Variants in ZSWIM6 observed in about 807,000 individuals in gnomAD.
The protein encoded by ZSWIM6 is zinc finger SWIM-type containing 6.
ZSWIM6 carries 9 observed loss-of-function variants against 113.2 expected under a neutral mutation model. The ratio of observed to expected loss-of-function variants is 0.08; its 90% CI spans 0.05 to 0.14. ZSWIM6 has a LOEUF of 0.14. Ranked by LOEUF, ZSWIM6 falls within the 10% of genes least tolerant of loss-of-function variation. The pLI is 1.00. For synonymous variants in ZSWIM6, 611 were observed against 606.5 expected (o/e 1.01, Z -0.11); for missense variants, 1,162 against 1,552.2 (o/e 0.75, Z 4.22).
intron 1 of ZSWIM6, among the ~76,000 whole-genome samples, chr5:61,340,943 T>A (rs1744531793): frequency 6.6e-6 from 1 of 152,210 alleles, no homozygotes; most frequent in South Asian, 2.1e-4. Flanking sequence ...ATGTTTGAGA[T>A]TAAAGTTCAG....
chr5:61,420,639 G>T (rs1746337516), intron 1 of ZSWIM6, among the ~76,000 whole-genome samples: 1 of 151,994 alleles, frequency 6.6e-6, no homozygotes, highest in Non-Finnish European at 1.5e-5. Flanking sequence ...AATTTGATTT[G>T]ATAATTGATT....
chr5:61,422,850 A>T (rs542836935), intron 1 of ZSWIM6, among the ~76,000 whole-genome samples: 2 of 152,168 alleles, frequency 1.3e-5, no homozygotes, highest in East Asian at 3.9e-4. Context: ...TTGATTTTTC[A>T]GATTGTTTGC....
intron 1 of ZSWIM6, among the ~76,000 whole-genome samples, chr5:61,455,935 C>T (rs1747197810): frequency 6.6e-6 from 1 of 150,906 alleles, no homozygotes; most frequent in Non-Finnish European, 1.5e-5. Context: ...AAGAATAAAC[C>T]TTTCCTCAGT....
At chr5:61,415,009 G>A (rs1434252988) in intron 1 of ZSWIM6, among the ~76,000 whole-genome samples, 1 of 152,168 alleles carries the variant, frequency 6.6e-6, no homozygotes, top group Admixed American at 6.5e-5. Context: ...GAGGAAACTG[G>A]ATTGCGGGGA....
At chr5:61,390,623 A>G in intron 1 of ZSWIM6, 12 of 695,966 alleles carry the variant, frequency 1.7e-5, no homozygotes, top group South Asian at 1.7e-4. Context: ...TTCCAGTGGA[A>G]AATAACTTTT....
intron 2 of ZSWIM6, among the ~76,000 whole-genome samples, chr5:61,477,176 T>C (rs1425509840): frequency 6.6e-6 from 1 of 152,128 alleles, no homozygotes; most frequent in African/African-American, 2.4e-5. Flanking sequence ...CTGGGTAGAC[T>C]ACCACAAAGA....
At chr5:61,535,847 C>T (rs574342641) in intron 10 of ZSWIM6, among the ~76,000 whole-genome samples, 5 of 152,156 alleles carry the variant, frequency 3.3e-5, no homozygotes, top group South Asian at 2.1e-4. Context: ...TCAAGCACAC[C>T]GTGGCTTTTT....
At chr5:61,399,156 C>G (rs1745898152) in intron 1 of ZSWIM6, among the ~76,000 whole-genome samples, 1 of 150,338 alleles carries the variant, frequency 6.7e-6, no homozygotes. Flanking sequence ...AACTCCTGAC[C>G]TCAGGTGATC....
At chr5:61,390,706 G>A (rs1169451987) in intron 1 of ZSWIM6, 5 of 826,302 alleles carry the variant, frequency 6.1e-6, no homozygotes, top group Admixed American at 3.4e-5. Context: ...TCTTTCTTGA[G>A]TGGTGCCATG....
At chr5:61,409,647 A>G (rs1182714688) in intron 1 of ZSWIM6, among the ~76,000 whole-genome samples, 1 of 152,164 alleles carries the variant, frequency 6.6e-6, no homozygotes, top group Non-Finnish European at 1.5e-5. Flanking sequence ...CTATTTATTA[A>G]TTAGATCATT....
rs573727768 is a variant in ZSWIM6, at chr5:61,535,895, A to C, written c.2381+276A>C. ...TGAAGCACAATTCAAGCCAAGTTTAATCATAAAACAGCAACAGTTGAAACC... is the reference window on the plus strand; with the variant it reads ...TGAAGCACAATTCAAGCCAAGTTTACTCATAAAACAGCAACAGTTGAAACC... On this transcript the variant is annotated intron_variant, in intron 10 of 13. Transcript: ENST00000252744. Among the ~76,000 whole-genome samples the C allele has an allele frequency of 4.6e-5, 7 of 152,364 alleles. No individual in the cohort carries two copies. The South Asian group carries it at 1.0e-3, about 23-fold the overall frequency.
chr5:61,518,123 A>C (rs1227814089), intron 4 of ZSWIM6, among the ~76,000 whole-genome samples: 4 of 151,864 alleles, frequency 2.6e-5, no homozygotes, highest in African/African-American at 9.7e-5. Flanking sequence ...TGAACTCATC[A>C]TTTTTTATGG....
chr5:61,453,105 T>C (rs140416050), intron 1 of ZSWIM6, among the ~76,000 whole-genome samples: 1 of 152,336 alleles, frequency 6.6e-6, no homozygotes, highest in East Asian at 1.9e-4. Context: ...TATGCTAACC[T>C]TAATCACTGG....
At chr5:61,396,457 G>A (rs1222363673) in intron 1 of ZSWIM6, among the ~76,000 whole-genome samples, 3 of 151,508 alleles carry the variant, frequency 2.0e-5, no homozygotes, top group Non-Finnish European at 2.9e-5. Flanking sequence ...ACTTGAACCG[G>A]GAGGCAGAGG....
At chr5:61,487,799 G>A (rs774002132) in intron 2 of ZSWIM6, among the ~76,000 whole-genome samples, 41 of 152,008 alleles carry the variant, frequency 2.7e-4, no homozygotes, top group Non-Finnish European at 4.4e-4. Context: ...GGTTTTTCTA[G>A]ATGGAAGATT....
intron 4 of ZSWIM6, among the ~76,000 whole-genome samples, chr5:61,508,995 G>A (rs895560105): frequency 7.9e-5 from 12 of 152,040 alleles, no homozygotes; most frequent in Non-Finnish European, 1.3e-4. Flanking sequence ...CAAGAACAGT[G>A]GTTATAAGTC....
chr5:61,420,395 C>T (rs892801505), intron 1 of ZSWIM6, among the ~76,000 whole-genome samples: 2 of 152,154 alleles, frequency 1.3e-5, no homozygotes, highest in African/African-American at 4.8e-5. Flanking sequence ...CAGTAGATGA[C>T]TCATTTAACA....
At chr5:61,518,208 T>C (rs1391595131) in intron 4 of ZSWIM6, among the ~76,000 whole-genome samples, 1 of 151,988 alleles carries the variant, frequency 6.6e-6, no homozygotes. Context: ...TTTGGGTTGG[T>C]TCCAAGTCTT....
At chr5:61,529,605 C>G (rs1260243119) in intron 7 of ZSWIM6, among the ~76,000 whole-genome samples, 1 of 152,182 alleles carries the variant, frequency 6.6e-6, no homozygotes, top group Non-Finnish European at 1.5e-5. Flanking sequence ...TTCTGCATAT[C>G]GTGGTAGAGT....
Sources: allele counts gnomAD v4.1 joint callset (sites outside exome capture counted in the v4.1 genomes callset), GRCh38; gene constraint gnomAD v4.1.1; transcripts MANE v1.5; gene names NCBI Gene and HGNC (gene_info 2026-07-23, HGNC 2026-07-21).